TBC1D2B: variants seen among roughly 807,000 people sequenced by gnomAD.
The protein encoded by TBC1D2B is TBC1 domain family, member 2B.
A neutral mutation model predicts 100.8 loss-of-function variants in TBC1D2B; 64 were observed. The observed-to-expected ratio is 0.64, with a 90% CI of 0.52 to 0.78. TBC1D2B has a LOEUF of 0.78. Ranked by LOEUF, TBC1D2B falls within the 30% of genes least tolerant of loss-of-function variation. The pLI is 0.00. For missense variants in TBC1D2B, 1,052 were observed against 1,218.4 expected, an observed-to-expected ratio of 0.86 and a Z score of 2.03; for synonymous variants, 480 against 479.7, an observed-to-expected ratio of 1.00 and a Z score of -0.01.
At chr15:78,009,974 C>CA (rs59641885) in intron 9 of TBC1D2B, among the ~76,000 whole-genome samples, 2,396 of 95,416 alleles carry the variant, frequency 0.025, 38 homozygotes, top group African/African-American at 0.038. Flanking sequence ...GACTCCGTCT[C>CA]AAAAAAAAAA....
At chr15:78,054,500 T>C (rs770811301) in intron 1 of TBC1D2B, among the ~76,000 whole-genome samples, 1 of 152,266 alleles carries the variant, frequency 6.6e-6, no homozygotes, top group Non-Finnish European at 1.5e-5. Context: ...TCTTTTACTC[T>C]GAGCAACTAC....
Position 78,077,381 on chromosome 15 carries a change from T to A in TBC1D2B, c.272A>T (p.Tyr91Phe), listed in dbSNP as rs1278108746. Residue 91 changes from tyrosine (Y) to phenylalanine (F), a missense_variant, in exon 1 of 13, where the codon TAC becomes TTC. Tyr to Phe is a conservative substitution (Grantham distance 22). Coordinates refer to ENST00000300584, the MANE Select transcript of TBC1D2B (RefSeq NM_144572.2). ...HLDIADACFS[Y>F]QGPDEAAEPG... The stretch of plus-strand genomic sequence containing the variant: ...CTCCGCCGCCTCGTCGGGGCCCTGG[T>A]AGCTGAAGCAGGCGTCCGCGATGTC... 1.3e-6 allele frequency: 2 copies of A among 1,542,240 alleles called. No individual in the cohort carries two copies. The highest frequency in any genetic ancestry group is 4.0e-5 in the Admixed American group (2 of 50,550).
At chr15:78,052,449 G>A (rs889210871) in intron 2 of TBC1D2B, among the ~76,000 whole-genome samples, 8 of 152,104 alleles carry the variant, frequency 5.3e-5, no homozygotes, top group Admixed American at 5.2e-4. Flanking sequence ...ATGAGTAAAT[G>A]TCAGGTGGCA....
At chr15:78,048,040 C>T (rs974106025) in intron 2 of TBC1D2B, among the ~76,000 whole-genome samples, 6 of 152,152 alleles carry the variant, frequency 3.9e-5, no homozygotes, top group African/African-American at 9.7e-5. Context: ...GGCCCCTCTG[C>T]GAGACTGGAC....
chr15:78,054,316 T>C (rs2073375777), intron 1 of TBC1D2B, 129 bp from the exon 2 acceptor site: 1 of 943,910 alleles, frequency 1.1e-6, no homozygotes, highest in Non-Finnish European at 1.5e-6. Flanking sequence ...CAAGGAAACT[T>C]CAGTTACAAG....
Position 78,077,683 on chromosome 15 carries a change from G to A in TBC1D2B, c.-31C>T, listed in dbSNP as rs960983778. On this transcript the variant is annotated 5_prime_UTR_variant, in exon 1 of 13. Coordinates refer to ENST00000300584, the MANE Select transcript of TBC1D2B (RefSeq NM_144572.2). ...CCGCGCGCCAACCGTAGGCGCCCGC[G>A]CCCTGCGCCTCCGCGCCGCGGCCGC... 67 of 984,496 alleles carry A rather than the reference G, an allele frequency of 6.8e-5. No homozygotes were observed. The highest frequency in any genetic ancestry group is 7.3e-5 in the Non-Finnish European group (61 of 830,686). The allele number at this position is 984,496 out of a possible 1,614,324, so 61.0% of individuals were successfully genotyped here. A position where few individuals can be genotyped will look rare whatever the true frequency, so the allele number is the denominator to read the frequency against.
intron 3 of TBC1D2B, among the ~76,000 whole-genome samples, chr15:78,031,348 G>A (rs2072802520): frequency 6.6e-6 from 1 of 152,098 alleles, no homozygotes; most frequent in African/African-American, 2.4e-5. Flanking sequence ...GAGGTCAGGA[G>A]TTTAAGACCA....
chr15:78,069,566 G>A (rs756956219), intron 1 of TBC1D2B, among the ~76,000 whole-genome samples: 25 of 152,156 alleles, frequency 1.6e-4, no homozygotes, highest in Admixed American at 1.1e-3. Context: ...GTGTGTCCCC[G>A]CAAAATTCAC....
At chr15:78,065,781 G>A (rs1596330683) in intron 1 of TBC1D2B, among the ~76,000 whole-genome samples, 5 of 152,076 alleles carry the variant, frequency 3.3e-5, no homozygotes, top group Admixed American at 2.6e-4. Flanking sequence ...TTAACATGAA[G>A]TTTTAGGAAA....
chr15:78,062,880 T>C (rs1039602898), intron 1 of TBC1D2B, among the ~76,000 whole-genome samples: 1 of 152,190 alleles, frequency 6.6e-6, no homozygotes, highest in Non-Finnish European at 1.5e-5. Context: ...TGCTTGCCCA[T>C]GGACCCTGGA....
chr15:78,063,548 C>T (rs975358546), intron 1 of TBC1D2B, among the ~76,000 whole-genome samples: 8 of 152,184 alleles, frequency 5.3e-5, no homozygotes, highest in Admixed American at 2.6e-4. Context: ...CTGGTCCCCA[C>T]ATCAGTAGAG....
intron 3 of TBC1D2B, among the ~76,000 whole-genome samples, chr15:78,034,314 C>A (rs1175158019): frequency 6.6e-6 from 1 of 152,196 alleles, no homozygotes; most frequent in Non-Finnish European, 1.5e-5. Context: ...ATTTTTTTGA[C>A]ATGACTGGTT....
intron 4 of TBC1D2B, among the ~76,000 whole-genome samples, chr15:78,028,756 A>C (rs1225147312): frequency 1.2e-4 from 19 of 152,238 alleles, no homozygotes; most frequent in Non-Finnish European, 4.4e-5. Flanking sequence ...CATGGGACAG[A>C]GAAGCATGTT....
chr15:78,035,905 T>G (rs888486295), intron 3 of TBC1D2B, among the ~76,000 whole-genome samples: 1 of 152,190 alleles, frequency 6.6e-6, no homozygotes, highest in Non-Finnish European at 1.5e-5. Flanking sequence ...ATATAATGTG[T>G]CAGCTCAAAG....
chr15:78,045,112 C>T, intron 2 of TBC1D2B, 44 bp from the exon 3 acceptor site: 1 of 1,557,680 alleles, frequency 6.4e-7, no homozygotes, highest in Non-Finnish European at 8.7e-7. Flanking sequence ...AAAGCTTCCA[C>T]ACGAAACTTG....
rs906475800 is a variant in TBC1D2B at position 78,026,375 on chromosome 15, C to T, written c.848-878G>A. Among the ~76,000 whole-genome samples, 49 of 152,280 alleles carry T rather than the reference C, an allele frequency of 3.2e-4. 2 individuals are homozygous for T. The East Asian group carries it at 8.5e-3, about 26-fold the overall frequency. ...TTGCAATAAAAACAAGTTTGGTCCC[C>T]TGGCTCTCCCTCACCCTTGCCCTCT... On this transcript the variant is annotated intron_variant, in intron 4 of 12. Transcript: ENST00000300584.
At position 78,053,065 on chromosome 15, in the gene TBC1D2B, A is replaced by G. The variant is rs118014729; in HGVS notation, c.514+969T>C. 8.1e-4 allele frequency among the ~76,000 whole-genome samples: 123 copies of G among 152,332 alleles called. 3 individuals carry two copies. In the East Asian group the frequency reaches 0.023, roughly 28 times the overall value. On this transcript the variant is annotated intron_variant, in intron 2 of 12. Coordinates refer to ENST00000300584, the MANE Select transcript of TBC1D2B (RefSeq NM_144572.2). ...CCTGCTGAAAAATACTGGGACAAGT[A>G]AAAACAAGACTGACAAATTTGGAGA...
chr15:78,030,309 T>C (rs953286055), intron 3 of TBC1D2B, 139 bp from the exon 4 acceptor site: 7 of 324,184 alleles, frequency 2.2e-5, no homozygotes, highest in South Asian at 7.2e-5. Context: ...GGGGATTCCC[T>C]TTTTTTTTTT....
intron 2 of TBC1D2B, among the ~76,000 whole-genome samples, chr15:78,046,833 G>C (rs1029767074): frequency 6.6e-6 from 1 of 152,148 alleles, no homozygotes; most frequent in Non-Finnish European, 1.5e-5. Context: ...CAGGTCTCTG[G>C]TAAAGGTCAC....
Sources: gnomAD v4.1 joint callset for allele counts (sites outside exome capture counted in the v4.1 genomes callset) on GRCh38, gnomAD v4.1.1 for gene constraint, MANE v1.5 for transcripts, NCBI Gene and HGNC (gene_info 2026-07-23, HGNC 2026-07-21) for gene names.